ANKRD31: variants seen among roughly 807,000 people sequenced by gnomAD.
The protein encoded by ANKRD31 is ankyrin repeat domain 31.
In ANKRD31, 147 loss-of-function variants were observed where a neutral mutation model predicts 186.0. That is an observed-to-expected ratio of 0.79 (90% CI 0.69 to 0.91). The LOEUF (loss-of-function observed/expected upper bound fraction) is 0.91, where lower values mean the gene tolerates loss of function less well. Among genes scored for constraint, ANKRD31 ranks in the 40% least tolerant of loss-of-function variants. ANKRD31 has a pLI of 0.00. For synonymous variants in ANKRD31, 673 were observed against 736.4 expected (o/e 0.91, Z 1.39); for missense variants, 1,986 against 2,148.8 (o/e 0.92, Z 1.50).
At chr5:75,178,486 A>G (rs1047616266) in intron 10 of ANKRD31, among the ~76,000 whole-genome samples, 1 of 152,216 alleles carries the variant, frequency 6.6e-6, no homozygotes, top group Admixed American at 6.6e-5. Context: ...AGTTGGAAGT[A>G]AAGCACTCCT....
At chr5:75,193,241 T>C (rs1755236371) in intron 8 of ANKRD31, 70 bp downstream of exon 8, 5 of 1,441,478 alleles carry the variant, frequency 3.5e-6, no homozygotes, top group Non-Finnish European at 4.6e-6. Context: ...GACCCTGATG[T>C]CCCCAAGCAT....
At chr5:75,076,811 G>C (rs900660173) in intron 25 of ANKRD31, among the ~76,000 whole-genome samples, 6 of 152,102 alleles carry the variant, frequency 3.9e-5, no homozygotes, top group African/African-American at 1.4e-4. Flanking sequence ...AAAATTCCAA[G>C]AGTTTTAGAA....
intron 23 of ANKRD31, among the ~76,000 whole-genome samples, chr5:75,088,803 T>C (rs993465438): frequency 6.6e-6 from 1 of 152,226 alleles, no homozygotes; most frequent in African/African-American, 2.4e-5. Flanking sequence ...TCTTCCTGCC[T>C]GATAAAGTTG....
chr5:75,086,059 A>T lies in ANKRD31; in HGVS notation c.5473-1685T>A, dbSNP rs188097136. 1.6e-4 allele frequency among the ~76,000 whole-genome samples: 25 copies of T among 152,314 alleles called. No individual in the cohort carries two copies. The East Asian group carries it at 2.5e-3, about 15-fold the overall frequency. On this transcript the variant is annotated intron_variant, in intron 23 of 25. Transcript: ENST00000506364. ...AATGCCATTTGTCAGTTCTCCAAAC[A>T]ACCAGTTATTGGAAACAATAGATTT...
intron 15 of ANKRD31, among the ~76,000 whole-genome samples, chr5:75,141,664 G>T (rs962840418): frequency 6.6e-6 from 1 of 151,850 alleles, no homozygotes; most frequent in African/African-American, 2.4e-5. Context: ...AAAAATTAGC[G>T]GGGTGTGGTG....
chr5:75,226,331 C>T (rs1200206803), intron 2 of ANKRD31, among the ~76,000 whole-genome samples: 4 of 152,136 alleles, frequency 2.6e-5, no homozygotes, highest in Non-Finnish European at 4.4e-5. Flanking sequence ...GTAATGGCTA[C>T]AGCAGGCCTT....
chr5:75,120,589 G>C (rs1475064920), intron 17 of ANKRD31, among the ~76,000 whole-genome samples: 3 of 152,142 alleles, frequency 2.0e-5, no homozygotes, highest in South Asian at 4.1e-4. Context: ...AGGAGCAAAT[G>C]GGCCAGTAGA....
rs2150331996 is a variant in ANKRD31, at chr5:75,236,874, A to T, written c.-188T>A. The T allele has an allele frequency of 2.3e-6, 1 of 437,244 alleles. No individual in the cohort carries two copies. Among genetic ancestry groups the T allele is most frequent in the Non-Finnish European group, 3.9e-6 (1 of 254,326 alleles). 27.1% of individuals were successfully genotyped at this position (437,244 alleles called of 1,614,324 possible). Reference sequence around the variant, plus strand: ...GCGGCCGCGAGCGCGGCGGGGTAGCAGTCTGCGAGGCGGCCCGCGGGTCCC... The same window carrying T: ...GCGGCCGCGAGCGCGGCGGGGTAGCTGTCTGCGAGGCGGCCCGCGGGTCCC... On this transcript the variant is annotated 5_prime_UTR_variant, in exon 1 of 26. Transcript: ENST00000506364.
At chr5:75,131,111 A>C (rs1026576722) in intron 17 of ANKRD31, among the ~76,000 whole-genome samples, 3 of 151,890 alleles carry the variant, frequency 2.0e-5, no homozygotes, top group Non-Finnish European at 4.4e-5. Context: ...CAGAACCAGC[A>C]CCGGCCCGTG....
chr5:75,196,883 CT>C (rs1016998750), intron 6 of ANKRD31, among the ~76,000 whole-genome samples: 92 of 151,916 alleles, frequency 6.1e-4, no homozygotes, highest in African/African-American at 2.2e-3. Flanking sequence ...CACAATGTTT[CT>C]TTTTTTCTTT....
At chr5:75,220,415 G>C (rs1671407277) in intron 3 of ANKRD31, among the ~76,000 whole-genome samples, 1 of 152,078 alleles carries the variant, frequency 6.6e-6, no homozygotes, top group Admixed American at 6.6e-5. Flanking sequence ...TGAGGCGGGT[G>C]GATCACCTGA....
intron 2 of ANKRD31, among the ~76,000 whole-genome samples, chr5:75,227,317 T>C (rs573881084): frequency 5.3e-5 from 8 of 152,234 alleles, no homozygotes; most frequent in Non-Finnish European, 5.9e-5. Flanking sequence ...GGATGGTTAA[T>C]GGGCACAAAA....
At chr5:75,184,097 C>T (rs1754527290) in intron 10 of ANKRD31, among the ~76,000 whole-genome samples, 3 of 152,226 alleles carry the variant, frequency 2.0e-5, no homozygotes, top group Non-Finnish European at 4.4e-5. Context: ...CATAAATCCA[C>T]GCATCTACAG....
At chr5:75,115,847 G>T (rs1440415289) in intron 19 of ANKRD31, among the ~76,000 whole-genome samples, 5 of 152,058 alleles carry the variant, frequency 3.3e-5, no homozygotes, top group Admixed American at 6.5e-5. Flanking sequence ...GCAAGTCAGT[G>T]TGGCGATTCC....
intron 7 of ANKRD31, among the ~76,000 whole-genome samples, chr5:75,194,769 G>T (rs999010692): frequency 6.6e-6 from 1 of 151,846 alleles, no homozygotes; most frequent in Admixed American, 6.6e-5. Context: ...TAAGTTGGAA[G>T]GCATTATATA....
In ANKRD31 at chr5:75,068,441, C is replaced by A; in HGVS notation, c.*78G>T. On this transcript the variant is annotated 3_prime_UTR_variant, in exon 26 of 26. Transcript: ENST00000506364. ...AAAGTGTATGTTAAAATAGGCCCACCAGATTATACAAGATGAAATATAAAT... is the reference window on the plus strand; with the variant it reads ...AAAGTGTATGTTAAAATAGGCCCACAAGATTATACAAGATGAAATATAAAT... The A allele has an allele frequency of 1.5e-6, 2 of 1,332,022 alleles. No homozygotes were observed. The highest frequency in any genetic ancestry group is 1.9e-6 in the Non-Finnish European group (2 of 1,029,244). 82.5% of individuals were successfully genotyped at this position (1,332,022 alleles called of 1,614,324 possible). A position where few individuals can be genotyped will look rare whatever the true frequency, so the allele number is the denominator to read the frequency against.
At chr5:75,108,274 C>T (rs1387632051) in intron 20 of ANKRD31, among the ~76,000 whole-genome samples, 1 of 151,852 alleles carries the variant, frequency 6.6e-6, no homozygotes, top group Non-Finnish European at 1.5e-5. Context: ...ATAACATTTA[C>T]ATTGTACTAT....
At chr5:75,095,917 T>A (rs1202935112) in intron 22 of ANKRD31, among the ~76,000 whole-genome samples, 3 of 152,118 alleles carry the variant, frequency 2.0e-5, no homozygotes. Flanking sequence ...CACTACTATA[T>A]AGATCAAACA....
At chr5:75,123,656 T>C (rs186044759) in intron 17 of ANKRD31, among the ~76,000 whole-genome samples, 1 of 152,064 alleles carries the variant, frequency 6.6e-6, no homozygotes, top group East Asian at 1.9e-4. Flanking sequence ...TATCTATAGC[T>C]AACTGATCTT....
Sources: allele counts gnomAD v4.1 joint callset (sites outside exome capture counted in the v4.1 genomes callset), GRCh38; gene constraint gnomAD v4.1.1; transcripts MANE v1.5; gene names NCBI Gene and HGNC (gene_info 2026-07-23, HGNC 2026-07-21).